DMRT1: variants seen among roughly 807,000 people sequenced by gnomAD.
DMRT1 encodes doublesex and mab-3 related transcription factor 1.
In DMRT1, 7 loss-of-function variants were observed where a neutral mutation model predicts 32.3. The ratio of observed to expected loss-of-function variants is 0.22; its 90% CI spans 0.12 to 0.41. The LOEUF (loss-of-function observed/expected upper bound fraction) is 0.41, where lower values mean the gene tolerates loss of function less well. DMRT1 is among the 10% of genes least tolerant of loss of function. The pLI, the probability that DMRT1 is intolerant of heterozygous loss-of-function variation, is 1.00. For synonymous variants in DMRT1, 278 were observed against 206.1 expected, an observed-to-expected ratio of 1.35 and a Z score of -2.99; for missense variants, 625 against 500.5, an observed-to-expected ratio of 1.25 and a Z score of -2.37.
At chr9:903,104 ATGT>A (rs755356466) in intron 3 of DMRT1, among the ~76,000 whole-genome samples, 2 of 152,174 alleles carry the variant, frequency 1.3e-5, no homozygotes, top group South Asian at 2.1e-4. Flanking sequence ...CATGCCTATG[ATGT>A]TTTCTTCTGC....
At chr9:928,364 T>C (rs1818596390) in intron 4 of DMRT1, among the ~76,000 whole-genome samples, 1 of 152,192 alleles carries the variant, frequency 6.6e-6, no homozygotes, top group South Asian at 2.1e-4. Flanking sequence ...GGCTTTACAT[T>C]GAATCCAGGG....
At chr9:902,335 C>T (rs1817620191) in intron 3 of DMRT1, among the ~76,000 whole-genome samples, 1 of 151,850 alleles carries the variant, frequency 6.6e-6, no homozygotes, top group Non-Finnish European at 1.5e-5. Flanking sequence ...ACCCCCTCCT[C>T]CTCCACCTTT....
intron 4 of DMRT1, among the ~76,000 whole-genome samples, chr9:956,237 G>C (rs1819595857): frequency 6.6e-6 from 1 of 152,226 alleles, no homozygotes; most frequent in Non-Finnish European, 1.5e-5. Context: ...CATAGAGCCA[G>C]AAAGTAGAAT....
intron 4 of DMRT1, among the ~76,000 whole-genome samples, chr9:951,369 CA>C (rs1437867288): frequency 2.6e-5 from 4 of 152,150 alleles, no homozygotes; most frequent in Admixed American, 2.6e-4. Context: ...ACAGACCAGA[CA>C]TGGACAGTAA....
intron 4 of DMRT1, among the ~76,000 whole-genome samples, chr9:949,875 C>T (rs892378141): frequency 6.6e-6 from 1 of 152,194 alleles, no homozygotes; most frequent in African/African-American, 2.4e-5. Flanking sequence ...CATTCCGTTG[C>T]AAATGGTAAG....
chr9:919,682 G>C (rs1195204216), intron 4 of DMRT1, among the ~76,000 whole-genome samples: 1 of 152,192 alleles, frequency 6.6e-6, no homozygotes, highest in African/African-American at 2.4e-5. Context: ...GCTTTTAAAT[G>C]ATCACCCTGA....
chr9:939,969 A>T (rs980177077), intron 4 of DMRT1, among the ~76,000 whole-genome samples: 1 of 152,174 alleles, frequency 6.6e-6, no homozygotes, highest in Non-Finnish European at 1.5e-5. Flanking sequence ...AATGCTCAAC[A>T]TCATTAGCCA....
intron 4 of DMRT1, among the ~76,000 whole-genome samples, chr9:927,242 C>A (rs1316317449): frequency 6.6e-6 from 1 of 152,212 alleles, no homozygotes; most frequent in Non-Finnish European, 1.5e-5. Context: ...TTGAAAATTG[C>A]CTCCAGAGTT....
At chr9:861,925 C>G (rs919111325) in intron 2 of DMRT1, among the ~76,000 whole-genome samples, 1 of 148,948 alleles carries the variant, frequency 6.7e-6, no homozygotes, top group African/African-American at 2.5e-5. Context: ...CAGAGGCGCT[C>G]CCAACATCCC....
chr9:883,101 C>G (rs1287025896), intron 2 of DMRT1, among the ~76,000 whole-genome samples: 1 of 151,934 alleles, frequency 6.6e-6, no homozygotes, highest in South Asian at 2.1e-4. Flanking sequence ...TTCACTCTTT[C>G]CAGATTCCAT....
intron 2 of DMRT1, among the ~76,000 whole-genome samples, chr9:887,692 A>G (rs1816985203): frequency 2.0e-5 from 3 of 151,974 alleles, no homozygotes; most frequent in South Asian, 4.2e-4. Context: ...CTGTCTCTAA[A>G]TCACCTCCAC....
At chr9:868,853 T>A (rs1816107209) in intron 2 of DMRT1, among the ~76,000 whole-genome samples, 1 of 151,714 alleles carries the variant, frequency 6.6e-6, no homozygotes, top group East Asian at 1.9e-4. Context: ...CTACAAAAAA[T>A]AAAAAAATTA....
At chr9:847,259 T>C in intron 2 of DMRT1, 116 bp downstream of exon 2, 1 of 1,139,996 alleles carries the variant, frequency 8.8e-7, no homozygotes, top group Non-Finnish European at 1.2e-6. Context: ...CTTAGAGGAT[T>C]CTGTAGAGGA....
intron 2 of DMRT1, among the ~76,000 whole-genome samples, chr9:885,658 A>G (rs1382187779): frequency 2.0e-5 from 3 of 152,172 alleles, no homozygotes; most frequent in Non-Finnish European, 4.4e-5. Context: ...TTGTAGACAC[A>G]GGATGGAGGC....
At chr9:954,622 G>T (rs1164432569) in intron 4 of DMRT1, among the ~76,000 whole-genome samples, 5 of 139,944 alleles carry the variant, frequency 3.6e-5, no homozygotes, top group South Asian at 2.2e-4. Context: ...TTGTTTTTTT[G>T]TTGTTGTTGT....
At chr9:954,706 A>T (rs1395268544) in intron 4 of DMRT1, among the ~76,000 whole-genome samples, 1 of 152,054 alleles carries the variant, frequency 6.6e-6, no homozygotes, top group African/African-American at 2.4e-5. Flanking sequence ...CAGTAGTACG[A>T]TCCCGGCTCA....
At chr9:967,905 A>G (rs1212350241) in intron 4 of DMRT1, 80 bp from the exon 5 acceptor site, 1 of 1,320,238 alleles carries the variant, frequency 7.6e-7, no homozygotes, top group Non-Finnish European at 1.1e-6. Flanking sequence ...CTAATTGAAT[A>G]ATGAATGTAT....
At chr9:877,670 C>T (rs1472155985) in intron 2 of DMRT1, among the ~76,000 whole-genome samples, 3 of 152,194 alleles carry the variant, frequency 2.0e-5, no homozygotes, top group African/African-American at 7.2e-5. Flanking sequence ...TAAAGTTTCT[C>T]TGTGTCTCTG....
At chr9:945,973 C>T (rs1237209843) in intron 4 of DMRT1, among the ~76,000 whole-genome samples, 3 of 151,942 alleles carry the variant, frequency 2.0e-5, no homozygotes, top group Admixed American at 1.3e-4. Flanking sequence ...CAGCACTTTC[C>T]TTTTTTCAAT....
Sources: allele counts gnomAD v4.1 joint callset (sites outside exome capture counted in the v4.1 genomes callset), GRCh38; gene constraint gnomAD v4.1.1; transcripts MANE v1.5; gene names NCBI Gene and HGNC (gene_info 2026-07-23, HGNC 2026-07-21).